The following GNL3L variants were observed in gnomAD, a reference collection of about 807,000 sequenced individuals.
GNL3L encodes G protein nucleolar 3 like.
In GNL3L, 4 loss-of-function variants were observed where a neutral mutation model predicts 42.9. That is an observed-to-expected ratio of 0.09 (90% CI 0.05 to 0.21). GNL3L has a LOEUF of 0.21. GNL3L is among the 10% of genes least tolerant of loss of function. The probability of loss-of-function intolerance (pLI) is 1.00; values close to 1 mark genes in which losing one functional copy is unlikely to be tolerated. For missense variants in GNL3L, 412 were observed against 481.7 expected, an observed-to-expected ratio of 0.86 and a Z score of 1.36; for synonymous variants, 159 against 176.3, an observed-to-expected ratio of 0.90 and a Z score of 0.78.
chrX:54,631,158 G>A, the GNL3L span, among the ~76,000 whole-genome samples: 4 of 111,163 alleles, frequency 3.6e-5, no homozygotes, highest in East Asian at 1.1e-3. Context: ...CCTATCATAT[G>A]GTCTATCTTG....
At chrX:54,534,720 AGTT>A (rs1370273940) in intron 2 of GNL3L, among the ~76,000 whole-genome samples, 2 of 111,605 alleles carry the variant, frequency 1.8e-5, no homozygotes, top group East Asian at 5.6e-4. Context: ...TTCTCTCTGG[AGTT>A]GTTGAAAAAC....
rs1202291467 is a variant in GNL3L at position 54,604,584 on chromosome X, G to A, written c.*46-16261G>A. On this transcript the variant is annotated intron_variant, in intron 16 of 16. Transcript: ENST00000674498. ...TTCAAAGGACCTGAGGTGGGAATGA[G>A]CTTGGGATTTTTAGGAGTACCCCCT... Among the ~76,000 whole-genome samples the A allele has an allele frequency of 4.5e-5, 5 of 111,779 alleles. No individual in the cohort carries two copies. In the Admixed American group the frequency reaches 4.7e-4, roughly 11 times the overall value.
At chrX:54,539,952 C>G (rs1055619494) in intron 3 of GNL3L, among the ~76,000 whole-genome samples, 183 bp from the exon 4 acceptor site, 6 of 111,755 alleles carry the variant, frequency 5.4e-5, no homozygotes, top group Non-Finnish European at 1.1e-4. Context: ...CTACACTTAT[C>G]TGAGAAGCTT....
chrX:54,627,805 C>T, the GNL3L span, among the ~76,000 whole-genome samples: 1 of 111,779 alleles, frequency 8.9e-6, no homozygotes, highest in East Asian at 2.8e-4. Flanking sequence ...ATGTGTTTTA[C>T]TGTTTCCAAA....
At chrX:54,626,639 G>A in the GNL3L span, among the ~76,000 whole-genome samples, 636 of 111,705 alleles carry the variant, frequency 5.7e-3, 11 homozygotes, top group Admixed American at 0.052. Flanking sequence ...TCCACCAACA[G>A]TGTATAAGTG....
chrX:54,532,241 C>T (rs1011501287), intron 1 of GNL3L, among the ~76,000 whole-genome samples: 4 of 109,255 alleles, frequency 3.7e-5, no homozygotes, highest in Non-Finnish European at 7.6e-5. Context: ...CCATCTGACC[C>T]CATTTGACCC....
rs1925164454 is a variant in GNL3L at position 54,558,500 on chromosome X, A to G, written c.1511A>G (p.Asn504Ser). 8.3e-7 allele frequency: 1 copy of G among 1,209,233 alleles called. No individual in the cohort carries two copies. The highest frequency in any genetic ancestry group is 3.0e-5 in the East Asian group (1 of 33,795). ...NRHQMGWAKR[N>S]VDHRPKSNSM... Reference sequence around the variant, plus strand: ...CATCAGATGGGGTGGGCTAAACGCAATGTGGACCACCGCCCTAAGAGCAAC... The same window carrying G: ...CATCAGATGGGGTGGGCTAAACGCAGTGTGGACCACCGCCCTAAGAGCAAC... The change falls in exon 15 of 16, where the codon AAT (asparagine) becomes AGT (serine). Residue 504 changes from asparagine to serine, a missense_variant. Transcript: ENST00000360845.
At chrX:54,638,769 A>G in the GNL3L span, among the ~76,000 whole-genome samples, 1 of 111,900 alleles carries the variant, frequency 8.9e-6, no homozygotes, top group Admixed American at 9.5e-5. Context: ...CCCATTTTAA[A>G]CTGATAAGTT....
At chrX:54,616,638 A>G (rs2147537817) in intron 16 of GNL3L, among the ~76,000 whole-genome samples, 1 of 111,836 alleles carries the variant, frequency 8.9e-6, no homozygotes, top group South Asian at 3.7e-4. Flanking sequence ...TTTTATTTTG[A>G]TAATAAACTG....
Position 54,549,398 on chromosome X carries a change from T to C in GNL3L, c.775+1025T>C, listed in dbSNP as rs1025564750. Among the ~76,000 whole-genome samples, 3 of 111,771 alleles carry C rather than the reference T, an allele frequency of 2.7e-5. No individual in the cohort carries two copies. The East Asian group carries it at 8.5e-4, about 32-fold the overall frequency. On this transcript the variant is annotated intron_variant, in intron 9 of 15. Coordinates refer to ENST00000360845, the MANE Select transcript of GNL3L (RefSeq NM_001184819.2). ...CCCAACGCTGCTCCCCCAACGCGCA[T>C]AGAACCACAAGGAGGGCTGGATGTA... is the stretch of plus-strand genomic sequence containing the variant.
intron 16 of GNL3L, among the ~76,000 whole-genome samples, chrX:54,580,540 G>A (rs1925701717): frequency 9.0e-6 from 1 of 110,583 alleles, no homozygotes; most frequent in Non-Finnish European, 1.9e-5. Flanking sequence ...GGGTCAAATG[G>A]TATTTCTAGT....
intron 16 of GNL3L, among the ~76,000 whole-genome samples, chrX:54,593,351 G>A (rs1249230885): frequency 9.0e-6 from 1 of 111,031 alleles, no homozygotes; most frequent in South Asian, 3.8e-4. Context: ...TTCAATTTTG[G>A]TAGTTTCTAT....
At chrX:54,629,715 A>G in the GNL3L span, among the ~76,000 whole-genome samples, 2 of 111,009 alleles carry the variant, frequency 1.8e-5, no homozygotes, top group East Asian at 5.7e-4. Flanking sequence ...ATTGGTCTGT[A>G]GTTTTCTTTT....
At chrX:54,607,744 A>T (rs1035610301) in intron 16 of GNL3L, among the ~76,000 whole-genome samples, 1 of 112,180 alleles carries the variant, frequency 8.9e-6, no homozygotes, top group African/African-American at 3.2e-5. Context: ...GCTGGTGGCT[A>T]CCTTATTGGA....
At chrX:54,572,628 C>T (rs1278919792) in intron 16 of GNL3L, among the ~76,000 whole-genome samples, 99 of 105,833 alleles carry the variant, frequency 9.4e-4, no homozygotes, top group Middle Eastern at 5.8e-3. Flanking sequence ...GCTGGCCGGG[C>T]GGGGGGCTGA....
rs147188894 is a variant in GNL3L at position 54,544,055 on chromosome X, A to G, written c.527-168A>G. 366 of 420,052 alleles carry G rather than the reference A, an allele frequency of 8.7e-4. 1 individual carries two copies. Among genetic ancestry groups the G allele is most frequent in the African/African-American group, 8.7e-3 (339 of 39,014 alleles). 34.6% of individuals were successfully genotyped at this position (420,052 alleles called of 1,213,427 possible). On this transcript the variant is annotated intron_variant, in intron 7 of 15. Transcript: ENST00000360845. ...GCTAACGCATCCCGTAGACCAGACTATCCTTTCTAACTCCAACCTGCGGAC... is the reference window on the plus strand; with the variant it reads ...GCTAACGCATCCCGTAGACCAGACTGTCCTTTCTAACTCCAACCTGCGGAC...
At chrX:54,610,513 A>G (rs1227994883) in intron 16 of GNL3L, among the ~76,000 whole-genome samples, 3 of 110,984 alleles carry the variant, frequency 2.7e-5, no homozygotes, top group Admixed American at 9.6e-5. Flanking sequence ...TTATTACACT[A>G]AGGTATGTCC....
chrX:54,636,589 A>G, the GNL3L span, among the ~76,000 whole-genome samples: 2 of 110,371 alleles, frequency 1.8e-5, no homozygotes, highest in Non-Finnish European at 3.8e-5. Flanking sequence ...TGTGTACTCA[A>G]TGTTTAGCTC....
downstream of GNL3L, among the ~76,000 whole-genome samples, chrX:54,568,836 A>G (rs1271972825): frequency 1.8e-5 from 2 of 112,374 alleles, no homozygotes; most frequent in African/African-American, 6.5e-5. Context: ...TATAGGCGTG[A>G]GCCACGACGC....
Sources: gnomAD v4.1 joint callset for allele counts (sites outside exome capture counted in the v4.1 genomes callset) on GRCh38, gnomAD v4.1.1 for gene constraint, MANE v1.5 for transcripts, NCBI Gene and HGNC (gene_info 2026-07-23, HGNC 2026-07-21) for gene names.